The following PRIM2 variants were observed in gnomAD, a reference collection of about 807,000 sequenced individuals.
PRIM2 encodes the protein DNA primase large subunit.
PRIM2 carries 39 observed loss-of-function variants against 67.3 expected under a neutral mutation model. That is an observed-to-expected ratio of 0.58 (90% confidence interval 0.45 to 0.76). PRIM2 has a LOEUF of 0.76. PRIM2 is among the 30% of genes least tolerant of loss of function. PRIM2 has a pLI of 0.00. For missense variants in PRIM2, 398 were observed against 598.7 expected, an observed-to-expected ratio of 0.66 and a Z score of 3.50; for synonymous variants, 143 against 198.7, an observed-to-expected ratio of 0.72 and a Z score of 2.36.
chr6:57,237,687 T>G, the PRIM2 span, among the ~76,000 whole-genome samples: 31 of 152,228 alleles, frequency 2.0e-4, no homozygotes, highest in African/African-American at 5.8e-4. Flanking sequence ...TTTCCCCATT[T>G]CTTGTTTTTC....
intron 8 of PRIM2, among the ~76,000 whole-genome samples, chr6:57,528,502 G>A (rs1774811945): frequency 1.3e-5 from 2 of 151,628 alleles, no homozygotes; most frequent in South Asian, 2.1e-4. Flanking sequence ...TCTTCTCTTT[G>A]TACTTAGTAT....
the PRIM2 span, among the ~76,000 whole-genome samples, chr6:57,234,901 A>G: frequency 6.6e-6 from 1 of 152,218 alleles, no homozygotes; most frequent in Non-Finnish European, 1.5e-5. Context: ...GGCCAGTCAC[A>G]GTGGTTTATG....
intron 10 of PRIM2, among the ~76,000 whole-genome samples, chr6:57,540,576 A>G (rs1288960304): frequency 6.6e-6 from 1 of 152,236 alleles, no homozygotes; most frequent in Non-Finnish European, 1.5e-5. Flanking sequence ...GCCTAGAAAT[A>G]TCGAAAAAGG....
In PRIM2 at chr6:57,645,932, A is replaced by T; in HGVS notation, c.1304A>T (p.Asp435Val). The T allele has an allele frequency of 4.6e-6, 6 of 1,313,428 alleles. No homozygotes were observed. Among genetic ancestry groups the T allele is most frequent in the Non-Finnish European group, 5.5e-6 (5 of 910,728 alleles). The allele number at this position is 1,313,428 out of a possible 1,614,324, so 81.4% of individuals were successfully genotyped here. ...ATAAATTTCCTTCCTTTACAGGTGGATGATTGTGGCTTTTCTTTGAATCAT... is the reference window on the plus strand; with the variant it reads ...ATAAATTTCCTTCCTTTACAGGTGGTTGATTGTGGCTTTTCTTTGAATCAT... ...QKYFEMIHNV[D>V]DCGFSLNHPN... The change falls in exon 14 of 14, where the codon GAT becomes GTT. Residue 435 changes from aspartate (D) to valine (V), a missense_variant. By Grantham distance (152) the Asp-to-Val change is radical. Coordinates refer to ENST00000615550, the MANE Select transcript of PRIM2 (RefSeq NM_000947.5).
intron 5 of PRIM2, among the ~76,000 whole-genome samples, chr6:57,353,237 A>G (rs1581819997): frequency 1.3e-5 from 2 of 151,596 alleles, no homozygotes; most frequent in East Asian, 3.9e-4. Flanking sequence ...ACTGTAAATT[A>G]TATTTACAAT....
intron 10 of PRIM2, among the ~76,000 whole-genome samples, chr6:57,559,140 A>G (rs1203024523): frequency 6.6e-6 from 1 of 152,058 alleles, no homozygotes; most frequent in Non-Finnish European, 1.5e-5. Context: ...TTAAAGAAAA[A>G]AAAAAAAAAA....
chr6:57,285,607 T>C, the PRIM2 span, among the ~76,000 whole-genome samples: 2 of 152,198 alleles, frequency 1.3e-5, no homozygotes, highest in African/African-American at 2.4e-5. Flanking sequence ...AAACTAGGTA[T>C]TGATGGAGCA....
At chr6:57,459,192 C>T (rs2127395829) in intron 7 of PRIM2, among the ~76,000 whole-genome samples, 1 of 152,270 alleles carries the variant, frequency 6.6e-6, no homozygotes, top group East Asian at 1.9e-4. Context: ...ATGCCTATCT[C>T]ACAGTTATGA....
intron 8 of PRIM2, among the ~76,000 whole-genome samples, chr6:57,521,117 C>T (rs1311227226): frequency 1.3e-5 from 2 of 152,148 alleles, no homozygotes; most frequent in Non-Finnish European, 2.9e-5. Context: ...TTTGGAATAA[C>T]TGCAGGGAAA....
At chr6:57,472,452 G>GTC (rs1773361250) in intron 7 of PRIM2, among the ~76,000 whole-genome samples, 1 of 151,896 alleles carries the variant, frequency 6.6e-6, no homozygotes, top group Non-Finnish European at 1.5e-5. Context: ...GGCAAACTGA[G>GTC]TCTCCTAAAG....
chr6:57,243,492 G>A, the PRIM2 span, among the ~76,000 whole-genome samples: 1,789 of 152,206 alleles, frequency 0.012, 36 homozygotes, highest in African/African-American at 0.041. Flanking sequence ...TATTTGAGAT[G>A]GAGCCTCGGT....
At chr6:57,286,330 A>C in the PRIM2 span, among the ~76,000 whole-genome samples, 4 of 152,226 alleles carry the variant, frequency 2.6e-5, no homozygotes, top group Non-Finnish European at 4.4e-5. Flanking sequence ...ACAAAGCTGG[A>C]GGCATCATGC....
At chr6:57,225,146 A>T in the PRIM2 span, among the ~76,000 whole-genome samples, 1 of 152,200 alleles carries the variant, frequency 6.6e-6, no homozygotes, top group Non-Finnish European at 1.5e-5. Context: ...AAAATGGTAT[A>T]TAAGCTCTTA....
At chr6:57,355,018 A>G (rs1768980342) in intron 5 of PRIM2, among the ~76,000 whole-genome samples, 2 of 152,282 alleles carry the variant, frequency 1.3e-5, no homozygotes, top group South Asian at 4.1e-4. Flanking sequence ...GTCAGAACAT[A>G]TCGGGCTGGG....
intron 5 of PRIM2, among the ~76,000 whole-genome samples, chr6:57,372,474 C>G (rs1189650592): frequency 6.6e-6 from 1 of 152,188 alleles, no homozygotes; most frequent in Non-Finnish European, 1.5e-5. Flanking sequence ...ACATGGATTT[C>G]AGTCATCATC....
At chr6:57,575,025 C>T (rs1775936447) in intron 10 of PRIM2, among the ~76,000 whole-genome samples, 1 of 152,136 alleles carries the variant, frequency 6.6e-6, no homozygotes, top group Non-Finnish European at 1.5e-5. Flanking sequence ...AGAGAACCTC[C>T]AGCCAGACTG....
chr6:57,378,220 C>A (rs1248209103), intron 5 of PRIM2, among the ~76,000 whole-genome samples: 6 of 151,922 alleles, frequency 3.9e-5, no homozygotes, highest in Non-Finnish European at 7.4e-5. Flanking sequence ...ACCACCATAC[C>A]TGGCTAATGT....
intron 10 of PRIM2, among the ~76,000 whole-genome samples, chr6:57,570,738 A>G (rs1212410905): frequency 6.6e-6 from 1 of 152,154 alleles, no homozygotes; most frequent in Non-Finnish European, 1.5e-5. Context: ...CAAACAGTAA[A>G]TCACAAATTT....
the PRIM2 span, among the ~76,000 whole-genome samples, chr6:57,224,207 G>A: frequency 2.0e-5 from 3 of 152,188 alleles, no homozygotes; most frequent in Admixed American, 6.5e-5. Flanking sequence ...AGGCTGAGAT[G>A]GGAGGATCAC....
Sources: allele counts gnomAD v4.1 joint callset (sites outside exome capture counted in the v4.1 genomes callset), GRCh38; gene constraint gnomAD v4.1.1; transcripts MANE v1.5; gene names NCBI Gene and HGNC (gene_info 2026-07-23, HGNC 2026-07-21).